The following MINDY3 variants were observed in gnomAD, a reference collection of about 807,000 sequenced individuals.
MINDY3 encodes MINDY lysine 48 deubiquitinase 3.
Under a neutral mutation model 69.2 loss-of-function variants are expected in MINDY3, and 38 were observed. The ratio of observed to expected loss-of-function variants is 0.55; its 90% CI spans 0.42 to 0.72. The LOEUF is 0.72. MINDY3 is among the 30% of genes least tolerant of loss of function. The pLI is 0.00. For synonymous variants in MINDY3, 192 were observed against 180.1 expected (o/e 1.07, Z -0.53); for missense variants, 522 against 519.0 (o/e 1.01, Z -0.06).
intron 1 of MINDY3, among the ~76,000 whole-genome samples, chr10:15,850,003 C>T (rs1170260456): frequency 3.3e-5 from 5 of 152,154 alleles, no homozygotes; most frequent in African/African-American, 1.2e-4. Flanking sequence ...CCTGCTGAAG[C>T]TGTGACAGAA....
chr10:15,781,650 C>T (rs1836541638), intron 14 of MINDY3, among the ~76,000 whole-genome samples: 1 of 152,094 alleles, frequency 6.6e-6, no homozygotes, highest in Non-Finnish European at 1.5e-5. Context: ...CTGTCATTTC[C>T]TGGCTGCTTG....
intron 11 of MINDY3, 76 bp downstream of exon 11, chr10:15,796,024 A>G: frequency 9.3e-7 from 1 of 1,072,990 alleles, no homozygotes. Context: ...TATCTTTTGA[A>G]TAAAATCAGG....
chr10:15,789,733 TATTTAGTTTCTTG>T (rs1837269780), intron 11 of MINDY3, among the ~76,000 whole-genome samples: 1 of 152,114 alleles, frequency 6.6e-6, no homozygotes, highest in Non-Finnish European at 1.5e-5. Flanking sequence ...GTCACAATGT[TATTTAGTTTCTTG>T]AAGGAATGTC....
chr10:15,803,670 A>G (rs1268420465), intron 10 of MINDY3, among the ~76,000 whole-genome samples: 1 of 152,170 alleles, frequency 6.6e-6, no homozygotes, highest in African/African-American at 2.4e-5. Flanking sequence ...AATAGATGGT[A>G]GAGAAAAACC....
At chr10:15,846,675 C>G (rs1833865994) in intron 2 of MINDY3, among the ~76,000 whole-genome samples, 1 of 151,130 alleles carries the variant, frequency 6.6e-6, no homozygotes, top group South Asian at 2.1e-4. Flanking sequence ...CTATATAGAG[C>G]ATAAGTTCTG....
chr10:15,819,886 C>T (rs1452292749), intron 9 of MINDY3, among the ~76,000 whole-genome samples: 2 of 152,126 alleles, frequency 1.3e-5, no homozygotes, highest in African/African-American at 4.8e-5. Flanking sequence ...AGGGGAAAAA[C>T]GTTCTTCTGT....
At position 15,779,085 on chromosome 10, in the gene MINDY3, C is replaced by G; in HGVS notation, c.1245G>C (p.Gln415His). Residue 415 changes from glutamine (Q) to histidine (H), a missense_variant, in exon 15 of 15, where the codon CAG becomes CAC. Gln to His is a conservative substitution (Grantham distance 24). Coordinates refer to ENST00000277632, the MANE Select transcript of MINDY3 (RefSeq NM_024948.4). ...VVMGFEDPML[Q>H]TDDTPIKRCL... ...AGCGTTTAATAGGAGTGTCATCTGTCTGTAGCATGGGATCTTCAAAACCCA... is the reference window on the plus strand; with the variant it reads ...AGCGTTTAATAGGAGTGTCATCTGTGTGTAGCATGGGATCTTCAAAACCCA... The G allele has an allele frequency of 6.2e-7, 1 of 1,613,640 alleles. No individual in the cohort carries two copies. The highest frequency in any genetic ancestry group is 2.2e-5 in the East Asian group (1 of 44,854).
intron 1 of MINDY3, among the ~76,000 whole-genome samples, chr10:15,856,079 C>T (rs1352734580): frequency 6.6e-6 from 1 of 151,022 alleles, no homozygotes; most frequent in Non-Finnish European, 1.5e-5. Context: ...TAAAAACTTC[C>T]AAAAACAACA....
chr10:15,791,015 G>T (rs1837368099), intron 11 of MINDY3, among the ~76,000 whole-genome samples: 1 of 152,028 alleles, frequency 6.6e-6, no homozygotes, highest in Admixed American at 6.6e-5. Context: ...GCTTATATAT[G>T]ATTAACCTCA....
chr10:15,810,510 G>A (rs756540373), intron 10 of MINDY3, among the ~76,000 whole-genome samples: 1 of 152,132 alleles, frequency 6.6e-6, no homozygotes, highest in South Asian at 2.1e-4. Context: ...CTCCATGTAA[G>A]ATAGAGATCT....
intron 13 of MINDY3, among the ~76,000 whole-genome samples, chr10:15,784,944 T>C (rs1275592185): frequency 6.6e-6 from 1 of 152,102 alleles, no homozygotes; most frequent in African/African-American, 2.4e-5. Context: ...CAGATGGGAA[T>C]AGGTGGGACT....
chr10:15,829,857 G>C (rs1486539464), intron 8 of MINDY3, among the ~76,000 whole-genome samples: 2 of 152,184 alleles, frequency 1.3e-5, no homozygotes, highest in Non-Finnish European at 1.5e-5. Context: ...CAATGCACAG[G>C]TAAGAAAACC....
intron 14 of MINDY3, among the ~76,000 whole-genome samples, chr10:15,781,821 T>G (rs905686400): frequency 6.6e-6 from 1 of 152,204 alleles, no homozygotes; most frequent in Non-Finnish European, 1.5e-5. Context: ...CACTGTTACC[T>G]CTTTCTTCCT....
intron 10 of MINDY3, among the ~76,000 whole-genome samples, chr10:15,814,262 A>G (rs1182455651): frequency 6.6e-6 from 1 of 152,078 alleles, no homozygotes; most frequent in Non-Finnish European, 1.5e-5. Flanking sequence ...AGGGGAAAAA[A>G]CAACTCTTCA....
At chr10:15,812,971 T>C (rs894036726) in intron 10 of MINDY3, among the ~76,000 whole-genome samples, 1 of 152,148 alleles carries the variant, frequency 6.6e-6, no homozygotes, top group African/African-American at 2.4e-5. Context: ...TCTACCTCAC[T>C]ACTCTGGACC....
At position 15,860,242 on chromosome 10, in the gene MINDY3, C is replaced by A; in HGVS notation, c.58G>T (p.Gly20Cys). The A allele has an allele frequency of 6.2e-7, 1 of 1,610,930 alleles. No individual in the cohort carries two copies. Among genetic ancestry groups the A allele is most frequent in the Non-Finnish European group, 8.5e-7 (1 of 1,178,698 alleles). ...ELVWGTKSSPGLSDTIFCRWT... is the reference protein window; with the variant it reads ...ELVWGTKSSPCLSDTIFCRWT... ...CGGCAGAAAATGGTGTCCGAGAGAC[C>A]GGGGCTGCTCTTGGTGCCCCACACC... The change falls in exon 1 of 15, where the codon GGT becomes TGT. Residue 20 changes from glycine to cysteine, a missense_variant. By Grantham distance (159) the Gly-to-Cys change is radical. Coordinates refer to ENST00000277632, the MANE Select transcript of MINDY3 (RefSeq NM_024948.4).
At chr10:15,858,598 G>A in intron 1 of MINDY3, among the ~76,000 whole-genome samples, 1 of 152,176 alleles carries the variant, frequency 6.6e-6, no homozygotes, top group East Asian at 1.9e-4. Context: ...ACTTTACAGA[G>A]AAGGAAACTG....
At chr10:15,855,114 A>G (rs1834600278) in intron 1 of MINDY3, among the ~76,000 whole-genome samples, 1 of 152,120 alleles carries the variant, frequency 6.6e-6, no homozygotes, top group South Asian at 2.1e-4. Flanking sequence ...TCAGTTGGAA[A>G]TGCGTTACAG....
At chr10:15,788,816 A>G (rs1388553920) in intron 12 of MINDY3, 1 of 153,656 alleles carries the variant, frequency 6.5e-6, no homozygotes, top group Non-Finnish European at 1.5e-5. Flanking sequence ...TTAATCATTT[A>G]GAAATGTTAG....
Sources: gnomAD v4.1 joint callset for allele counts (sites outside exome capture counted in the v4.1 genomes callset) on GRCh38, gnomAD v4.1.1 for gene constraint, MANE v1.5 for transcripts, NCBI Gene and HGNC (gene_info 2026-07-23, HGNC 2026-07-21) for gene names.